The following PBX3 variants were observed in gnomAD, a reference collection of about 807,000 sequenced individuals.
PBX3 encodes pre-B-cell leukemia transcription factor 3.
Under a neutral mutation model 48.5 loss-of-function variants are expected in PBX3, and 14 were observed. The observed-to-expected ratio is 0.29, with a 90% CI of 0.19 to 0.45. The LOEUF (loss-of-function observed/expected upper bound fraction) is 0.45, where lower values mean the gene tolerates loss of function less well. Among genes scored for constraint, PBX3 ranks in the 20% least tolerant of loss-of-function variants. PBX3 has a pLI of 1.00. For synonymous variants in PBX3, 210 were observed against 200.3 expected, an observed-to-expected ratio of 1.05 and a Z score of -0.41; for missense variants, 386 against 546.7, an observed-to-expected ratio of 0.71 and a Z score of 2.93.
chr9:125,930,347 G>C (rs149253418), intron 4 of PBX3, among the ~76,000 whole-genome samples: 4 of 152,134 alleles, frequency 2.6e-5, no homozygotes, highest in Admixed American at 1.3e-4. Context: ...TTCCTGTAAG[G>C]ATGAAAATTT....
chr9:125,851,459 A>G (rs1238098247), intron 2 of PBX3, among the ~76,000 whole-genome samples: 5 of 152,122 alleles, frequency 3.3e-5, no homozygotes, highest in Non-Finnish European at 7.4e-5. Flanking sequence ...GGTGGGATTT[A>G]TGATTCATTA....
At chr9:125,924,266 T>G (rs757746651) in intron 3 of PBX3, among the ~76,000 whole-genome samples, 10 of 152,240 alleles carry the variant, frequency 6.6e-5, no homozygotes, top group Non-Finnish European at 1.3e-4. Context: ...AAGAATGGCC[T>G]TACTTTTTCA....
At chr9:125,889,390 C>T (rs1395446450) in intron 2 of PBX3, among the ~76,000 whole-genome samples, 2 of 152,218 alleles carry the variant, frequency 1.3e-5, no homozygotes, top group Non-Finnish European at 2.9e-5. Context: ...CCTCCGGTCC[C>T]GAGTTCTGCA....
chr9:125,755,971 T>C (rs147065344), intron 2 of PBX3, among the ~76,000 whole-genome samples: 116 of 152,184 alleles, frequency 7.6e-4, no homozygotes, highest in Non-Finnish European at 1.3e-3. Flanking sequence ...TTATCACTTA[T>C]CTCTTCTCAG....
chr9:125,818,481 T>C (rs1838538169), intron 2 of PBX3, among the ~76,000 whole-genome samples: 1 of 151,890 alleles, frequency 6.6e-6, no homozygotes, highest in Admixed American at 6.6e-5. Flanking sequence ...ATTGTGGGTC[T>C]GTGCCACCAC....
At chr9:125,939,360 C>T (rs1015855188) in intron 5 of PBX3, among the ~76,000 whole-genome samples, 1 of 151,988 alleles carries the variant, frequency 6.6e-6, no homozygotes, top group African/African-American at 2.4e-5. Context: ...TGAAAAGATC[C>T]CCATTCTTAT....
intron 2 of PBX3, among the ~76,000 whole-genome samples, chr9:125,750,121 CA>C (rs1836330629): frequency 6.6e-6 from 1 of 152,208 alleles, no homozygotes; most frequent in Non-Finnish European, 1.5e-5. Context: ...ATGCAATTCT[CA>C]GTAAATTCTG....
chr9:125,892,268 CT>C (rs34766338), intron 2 of PBX3, among the ~76,000 whole-genome samples: 1 of 152,060 alleles, frequency 6.6e-6, no homozygotes, highest in Non-Finnish European at 1.5e-5. Context: ...TATGGCTCAA[CT>C]TTTTTTCTAC....
At position 125,867,074 on chromosome 9, in the gene PBX3, C is replaced by T. The variant is rs1186755671; in HGVS notation, c.275-48612C>T. On this transcript the variant is annotated intron_variant, in intron 2 of 8. Transcript: ENST00000373489. ...GTAGGGATCTTCTTATCATATCCCT[C>T]AGTGATCATTTGACAAAAATAATAC... Among the ~76,000 whole-genome samples, 3 of 152,062 alleles carry T rather than the reference C, an allele frequency of 2.0e-5. No homozygotes were observed. In the East Asian group the frequency reaches 5.8e-4, roughly 29 times the overall value.
chr9:125,836,598 T>C (rs1839144174), intron 2 of PBX3, among the ~76,000 whole-genome samples: 1 of 152,186 alleles, frequency 6.6e-6, no homozygotes, highest in Non-Finnish European at 1.5e-5. Context: ...GGTAGCTCAG[T>C]AGGGTGACCT....
chr9:125,825,532 G>T (rs1369536383), intron 2 of PBX3, among the ~76,000 whole-genome samples: 1 of 147,850 alleles, frequency 6.8e-6, no homozygotes. Context: ...TTCAACAGCT[G>T]TTTTCTCATA....
intron 2 of PBX3, among the ~76,000 whole-genome samples, chr9:125,770,576 A>T (rs749510081): frequency 9.9e-5 from 15 of 152,148 alleles, no homozygotes; most frequent in Non-Finnish European, 1.6e-4. Context: ...GCACAGTGTC[A>T]AAGTCCGTTA....
intron 2 of PBX3, among the ~76,000 whole-genome samples, chr9:125,753,222 ATC>A (rs2131952886): frequency 6.6e-6 from 1 of 152,260 alleles, no homozygotes; most frequent in East Asian, 1.9e-4. Context: ...AAGTCAGAGT[ATC>A]TTGGAAATGT....
chr9:125,748,776 A>G (rs534709643), intron 2 of PBX3, among the ~76,000 whole-genome samples, 153 bp downstream of exon 2: 1 of 152,366 alleles, frequency 6.6e-6, no homozygotes, highest in African/African-American at 2.4e-5. Flanking sequence ...AAAAAACTGC[A>G]ATAAATCTGG....
intron 5 of PBX3, among the ~76,000 whole-genome samples, chr9:125,953,780 G>T (rs1052640437): frequency 2.2e-5 from 2 of 91,904 alleles, no homozygotes; most frequent in South Asian, 9.6e-4. Flanking sequence ...AAGTCTTTAC[G>T]CATACCCAGT....
intron 5 of PBX3, among the ~76,000 whole-genome samples, chr9:125,944,220 C>T (rs776790912): frequency 3.3e-5 from 5 of 152,198 alleles, no homozygotes; most frequent in Non-Finnish European, 7.3e-5. Flanking sequence ...CTTGTTTCTT[C>T]TCTTTTGATT....
chr9:125,960,533 A>C, intron 5 of PBX3, 151 bp from the exon 6 acceptor site: 2 of 660,326 alleles, frequency 3.0e-6, no homozygotes, highest in Non-Finnish European at 5.3e-6. Context: ...AATAACCCCC[A>C]AAACCATTAT....
Position 125,747,645 on chromosome 9 carries a change from G to T in PBX3, c.192G>T (p.Ala64=), listed in dbSNP as rs1216233960. ...MTITDQSLDE[A]QAKKHALNCH... ...TCACCGACCAGAGCTTGGACGAGGC[G>T]CAAGCAAAGTTGGTGTCGTCTCATT... Residue 64 remains alanine, a synonymous_variant, in exon 1 of 9, where the codon GCG becomes GCT. Transcript: ENST00000373489. The T allele has an allele frequency of 2.5e-6, 4 of 1,590,474 alleles. No homozygotes were observed. Among genetic ancestry groups the T allele is most frequent in the Non-Finnish European group, 3.4e-6 (4 of 1,169,022 alleles).
intron 2 of PBX3, among the ~76,000 whole-genome samples, chr9:125,899,089 T>C (rs1246932013): frequency 6.6e-6 from 1 of 150,938 alleles, no homozygotes; most frequent in Non-Finnish European, 1.5e-5. Context: ...GCTGTGCTTC[T>C]AAGGAAGCTA....
Sources: gnomAD v4.1 joint callset for allele counts (sites outside exome capture counted in the v4.1 genomes callset) on GRCh38, gnomAD v4.1.1 for gene constraint, MANE v1.5 for transcripts, NCBI Gene and HGNC (gene_info 2026-07-23, HGNC 2026-07-21) for gene names.